ATP9B: variants seen among roughly 807,000 people sequenced by gnomAD.
The protein encoded by ATP9B is probable phospholipid-transporting ATPase IIB.
ATP9B carries 110 observed loss-of-function variants against 146.1 expected under a neutral mutation model. The ratio of observed to expected loss-of-function variants is 0.75; its 90% CI spans 0.65 to 0.88. The LOEUF (loss-of-function observed/expected upper bound fraction) is 0.88. Ranked by LOEUF, ATP9B falls within the 40% of genes least tolerant of loss-of-function variation. The probability of loss-of-function intolerance (pLI) is 0.00; values close to 1 mark genes in which losing one functional copy is unlikely to be tolerated. For missense variants in ATP9B, 1,499 were observed against 1,496.4 expected (o/e 1.00, Z -0.03); for synonymous variants, 604 against 569.7 (o/e 1.06, Z -0.86).
intron 20 of ATP9B, among the ~76,000 whole-genome samples, chr18:79,343,386 C>G (rs1388071643): frequency 2.0e-5 from 3 of 152,152 alleles, no homozygotes; most frequent in Non-Finnish European, 4.4e-5. Flanking sequence ...TATATCATTT[C>G]TTTTATGCTC....
At position 79,198,704 on chromosome 18, in the gene ATP9B, A is replaced by T. The variant is rs1803478386; in HGVS notation, c.954+5441A>T. 2.0e-5 allele frequency among the ~76,000 whole-genome samples: 3 copies of T among 152,192 alleles called. No homozygotes were observed. The South Asian group carries it at 6.2e-4, about 32-fold the overall frequency. Reference sequence around the variant, plus strand: ...TAAGTATCTGTGTATCTAACCATAGAAAAGGTACAGTAAAAAATGCTGTAT... The same window carrying T: ...TAAGTATCTGTGTATCTAACCATAGTAAAGGTACAGTAAAAAATGCTGTAT... On this transcript the variant is annotated intron_variant, in intron 9 of 29. Transcript: ENST00000426216.
intron 2 of ATP9B, among the ~76,000 whole-genome samples, chr18:79,099,534 A>T (rs1053437761): frequency 6.6e-6 from 1 of 151,984 alleles, no homozygotes; most frequent in Admixed American, 6.6e-5. Flanking sequence ...AATATTTTCT[A>T]ATTTCCATTG....
At chr18:79,190,040 C>CGCA (rs1224052193) in intron 8 of ATP9B, among the ~76,000 whole-genome samples, 4 of 152,244 alleles carry the variant, frequency 2.6e-5, no homozygotes, top group African/African-American at 2.4e-5. Context: ...ACGCACTCCC[C>CGCA]GCAGCAGCAG....
intron 2 of ATP9B, among the ~76,000 whole-genome samples, chr18:79,100,203 C>T (rs1454432483): frequency 6.6e-6 from 1 of 152,202 alleles, no homozygotes; most frequent in Non-Finnish European, 1.5e-5. Context: ...CAACTTGTAG[C>T]AAATTTTCTT....
chr18:79,298,696 T>C (rs948344384), intron 13 of ATP9B, among the ~76,000 whole-genome samples: 3 of 146,772 alleles, frequency 2.0e-5, no homozygotes, highest in Admixed American at 1.4e-4. Context: ...TAAGCTGCAG[T>C]CATCAAGACT....
intron 16 of ATP9B, among the ~76,000 whole-genome samples, chr18:79,329,693 T>C (rs191215839): frequency 1.3e-4 from 20 of 152,346 alleles, no homozygotes; most frequent in Admixed American, 1.1e-3. Flanking sequence ...AATCATATCT[T>C]GGAAGTTGAC....
intron 1 of ATP9B, among the ~76,000 whole-genome samples, chr18:79,087,065 A>G (rs776622386): frequency 1.3e-5 from 2 of 152,266 alleles, no homozygotes; most frequent in East Asian, 1.9e-4. Flanking sequence ...GGGAAGTCCA[A>G]GATCAAGGTA....
chr18:79,110,740 C>T (rs2075955601), intron 3 of ATP9B, among the ~76,000 whole-genome samples: 1 of 152,048 alleles, frequency 6.6e-6, no homozygotes, highest in Non-Finnish European at 1.5e-5. Flanking sequence ...TTGATTATTG[C>T]CTTCAGTTCT....
intron 12 of ATP9B, among the ~76,000 whole-genome samples, chr18:79,256,172 T>A (rs963862702): frequency 6.7e-6 from 1 of 149,830 alleles, no homozygotes; most frequent in African/African-American, 2.5e-5. Context: ...ACTCCTTAAC[T>A]TTTTAGTTAC....
Position 79,329,302 on chromosome 18 carries a change from G to T in ATP9B, c.1935G>T (p.Arg645Ser). ...GCAAGCGGATGGGCGTCATCGTCAG[G>T]GTGAGGCTGCGGGGAGGGTGCCACG... ...SESKRMGVIVRDESTAEITFY... is the reference protein window; with the variant it reads ...SESKRMGVIVSDESTAEITFY... Residue 645 changes from arginine to serine, a missense_variant and splice_region_variant, in exon 16 of 30, where the codon AGG becomes AGT. Coordinates refer to ENST00000426216, the MANE Select transcript of ATP9B (RefSeq NM_198531.5). 6.3e-7 allele frequency: 1 copy of T among 1,595,450 alleles called. No individual in the cohort carries two copies.
chr18:79,141,910 C>G (rs545719639), intron 5 of ATP9B, among the ~76,000 whole-genome samples: 2 of 152,304 alleles, frequency 1.3e-5, no homozygotes, highest in South Asian at 4.1e-4. Context: ...AAGCGGGTAA[C>G]TTTCCTCCCC....
At chr18:79,360,320 A>G (rs923344643) in intron 26 of ATP9B, 6 of 152,220 alleles carry the variant, frequency 3.9e-5, no homozygotes, top group African/African-American at 1.2e-4. Flanking sequence ...TGAAATTATC[A>G]ACTCAGATTT....
intron 12 of ATP9B, among the ~76,000 whole-genome samples, chr18:79,266,260 C>G (rs543828825): frequency 6.6e-6 from 1 of 151,866 alleles, no homozygotes; most frequent in Non-Finnish European, 1.5e-5. Context: ...CTTAAAGGAA[C>G]CATTTCCTCT....
intron 25 of ATP9B, among the ~76,000 whole-genome samples, chr18:79,356,280 G>A (rs561319532): frequency 6.6e-6 from 1 of 152,270 alleles, no homozygotes; most frequent in Non-Finnish European, 1.5e-5. Flanking sequence ...CCTACCATCT[G>A]GAAGATGTCC....
chr18:79,302,969 A>G (rs2096600832), intron 13 of ATP9B, among the ~76,000 whole-genome samples: 3 of 152,192 alleles, frequency 2.0e-5, no homozygotes, highest in Non-Finnish European at 2.9e-5. Flanking sequence ...TTCTAGTTTT[A>G]TGTCCGCCTC....
chr18:79,108,446 C>T (rs1278906164), intron 2 of ATP9B, among the ~76,000 whole-genome samples: 1 of 151,980 alleles, frequency 6.6e-6, no homozygotes, highest in Admixed American at 6.6e-5. Context: ...ACTTTAATAC[C>T]ACCCTGATTT....
At chr18:79,220,930 G>A (rs1034177021) in intron 11 of ATP9B, among the ~76,000 whole-genome samples, 23 of 152,278 alleles carry the variant, frequency 1.5e-4, no homozygotes, top group African/African-American at 3.1e-4. Context: ...GGCCTCTTGT[G>A]CTTTTGCCTC....
intron 13 of ATP9B, among the ~76,000 whole-genome samples, chr18:79,279,894 T>G (rs2096357811): frequency 6.6e-6 from 1 of 152,244 alleles, no homozygotes; most frequent in South Asian, 2.1e-4. Flanking sequence ...CGTTAGCGCA[T>G]CACTTGGTAA....
chr18:79,246,552 A>G (rs1042005090), intron 11 of ATP9B, among the ~76,000 whole-genome samples: 6 of 152,198 alleles, frequency 3.9e-5, no homozygotes, highest in Non-Finnish European at 8.8e-5. Context: ...ATTCTGCGTG[A>G]CAAAACATAA....
Sources: allele counts gnomAD v4.1 joint callset (sites outside exome capture counted in the v4.1 genomes callset), GRCh38; gene constraint gnomAD v4.1.1; transcripts MANE v1.5; gene names NCBI Gene and HGNC (gene_info 2026-07-23, HGNC 2026-07-21).